The following UFSP2 variants were observed in gnomAD, a reference collection of about 807,000 sequenced individuals.
The protein encoded by UFSP2 is ufm1-specific protease 2.
A neutral mutation model predicts 60.2 loss-of-function variants in UFSP2; 43 were observed. The ratio of observed to expected loss-of-function variants is 0.71; its 90% confidence interval spans 0.56 to 0.92. The LOEUF is 0.92. Ranked by LOEUF, UFSP2 falls within the 40% of genes least tolerant of loss-of-function variation. The pLI, the probability that UFSP2 is intolerant of heterozygous loss-of-function variation, is 0.00. For missense variants in UFSP2, 520 were observed against 575.0 expected (o/e 0.90, Z 0.98); for synonymous variants, 183 against 195.1 (o/e 0.94, Z 0.52).
At chr4:185,404,813 T>C (rs2095518271) in intron 10 of UFSP2, among the ~76,000 whole-genome samples, 1 of 151,376 alleles carries the variant, frequency 6.6e-6, no homozygotes, top group Non-Finnish European at 1.5e-5. Flanking sequence ...CTCGAACTCT[T>C]GGCCTCAAGT....
intron 2 of UFSP2, among the ~76,000 whole-genome samples, chr4:185,421,951 A>C (rs1421503964): frequency 6.6e-6 from 1 of 152,220 alleles, no homozygotes; most frequent in African/African-American, 2.4e-5. Flanking sequence ...ATCAAATGAA[A>C]CAAATCTCAA....
At chr4:185,406,683 C>T (rs564858717) in intron 9 of UFSP2, among the ~76,000 whole-genome samples, 1 of 152,240 alleles carries the variant, frequency 6.6e-6, no homozygotes, top group African/African-American at 2.4e-5. Flanking sequence ...TCAAGCGATT[C>T]TCCTTCCTCA....
At chr4:185,404,192 A>C (rs1269727079) in intron 10 of UFSP2, among the ~76,000 whole-genome samples, 1 of 152,076 alleles carries the variant, frequency 6.6e-6, no homozygotes, top group Admixed American at 6.6e-5. Context: ...AAAGGGCCAT[A>C]AACTCCTCCC....
At chr4:185,408,875 A>T (rs2095524575) in intron 7 of UFSP2, among the ~76,000 whole-genome samples, 1 of 152,092 alleles carries the variant, frequency 6.6e-6, no homozygotes, top group South Asian at 2.1e-4. Flanking sequence ...CGGCCCACTC[A>T]TTCTCTCACT....
intron 7 of UFSP2, among the ~76,000 whole-genome samples, chr4:185,411,301 A>G (rs932070222): frequency 6.6e-6 from 1 of 152,184 alleles, no homozygotes; most frequent in East Asian, 1.9e-4. Flanking sequence ...TGCTACGCCA[A>G]AATTGTTTTA....
At chr4:185,413,929 G>A in intron 6 of UFSP2, 57 bp from the exon 7 acceptor site, 1 of 1,448,362 alleles carries the variant, frequency 6.9e-7, no homozygotes. Context: ...TAGATTCCTA[G>A]TCAATAAATA....
chr4:185,415,746 G>A lies in UFSP2; in HGVS notation c.455C>T (p.Ala152Val). The A allele has an allele frequency of 6.2e-7, 1 of 1,613,116 alleles. No homozygotes were observed. The highest frequency in any genetic ancestry group is 1.7e-4 in the Middle Eastern group (1 of 6,060). ...TTCTTCTGGAGCAACAGATATAACT[G>A]CATCGACAGGTAAAGTCATATTAAC... is the stretch of plus-strand genomic sequence containing the variant. ...HYVNMTLPVDAVISVAPEETW... is the reference protein window; with the variant it reads ...HYVNMTLPVDVVISVAPEETW... Residue 152 changes from alanine to valine, a missense_variant, in exon 5 of 12, where the codon GCA becomes GTA. Physicochemically the swap from Ala to Val is moderately conservative, Grantham distance 64. Transcript: ENST00000264689.
intron 1 of UFSP2, among the ~76,000 whole-genome samples, chr4:185,424,576 T>G (rs2095555614): frequency 6.6e-6 from 1 of 152,240 alleles, no homozygotes; most frequent in Admixed American, 6.5e-5. Flanking sequence ...TTTAGCTTCA[T>G]GTTGTCCATT....
At chr4:185,408,151 A>AT (rs921252622) in intron 8 of UFSP2, 91 bp from the exon 9 acceptor site, 543 of 1,528,004 alleles carry the variant, frequency 3.6e-4, no homozygotes, top group South Asian at 4.0e-4. Context: ...CAGTACAAGA[A>AT]TTTTTTTTTC....
intron 9 of UFSP2, 21 bp downstream of exon 9, chr4:185,407,915 A>G (rs576822061): frequency 2.5e-6 from 4 of 1,600,872 alleles, no homozygotes; most frequent in African/African-American, 1.3e-5. Context: ...TGATTTATCT[A>G]ATTTCTTAAA....
Position 185,408,451 on chromosome 4 carries a change from A to ACTT in UFSP2, c.832-17_832-16insAAG. The ACTT allele has an allele frequency of 6.2e-7, 1 of 1,608,226 alleles. No individual in the cohort carries two copies. Among genetic ancestry groups the ACTT allele is most frequent in the South Asian group, 1.1e-5 (1 of 90,630 alleles). ...CCACATAAATCTATATACAGAGAAG[A>ACTT]AACACAGTAAAATATTAACTTAGGA... is the stretch of plus-strand genomic sequence containing the variant. On this transcript the variant is annotated splice_polypyrimidine_tract_variant and intron_variant, in intron 7 of 11. Coordinates refer to ENST00000264689, the MANE Select transcript of UFSP2 (RefSeq NM_018359.5).
intron 7 of UFSP2, among the ~76,000 whole-genome samples, chr4:185,410,273 A>G (rs1486855042): frequency 6.6e-6 from 1 of 152,244 alleles, no homozygotes; most frequent in Non-Finnish European, 1.5e-5. Flanking sequence ...TTAGAAGTGA[A>G]CAAAACTAAA....
chr4:185,422,216 T>C (rs774787188), intron 2 of UFSP2, among the ~76,000 whole-genome samples: 5 of 152,236 alleles, frequency 3.3e-5, no homozygotes, highest in Non-Finnish European at 4.4e-5. Flanking sequence ...TCATTGTGGA[T>C]ATTTACATTT....
chr4:185,406,034 A>T lies in UFSP2; in HGVS notation c.1122-178T>A. On this transcript the variant is annotated intron_variant, in intron 9 of 11. Transcript: ENST00000264689. ...CAATTAAACTGTGCAATTTAAAGCAACATAAACTCAAAATACTTAAGGCCA... is the reference window on the plus strand; with the variant it reads ...CAATTAAACTGTGCAATTTAAAGCATCATAAACTCAAAATACTTAAGGCCA... 5 of 1,363,914 alleles carry T rather than the reference A, an allele frequency of 3.7e-6. No individual in the cohort carries two copies. In the South Asian group the frequency reaches 5.1e-5, roughly 14 times the overall value. 84.5% of individuals were successfully genotyped at this position (1,363,914 alleles called of 1,614,324 possible).
intron 11 of UFSP2, 78 bp downstream of exon 11, chr4:185,403,416 C>T (rs1218110734): frequency 6.4e-7 from 1 of 1,553,280 alleles, no homozygotes; most frequent in African/African-American, 1.4e-5. Flanking sequence ...TATTGTCTTT[C>T]TGTTACCAGC....
chr4:185,422,925 C>A (rs185267105), intron 1 of UFSP2, among the ~76,000 whole-genome samples: 58 of 152,268 alleles, frequency 3.8e-4, no homozygotes, highest in African/African-American at 1.3e-3. Flanking sequence ...GTGGCACAAT[C>A]TCAGCTCACT....
intron 11 of UFSP2, 149 bp downstream of exon 11, chr4:185,403,345 G>A: frequency 1.0e-6 from 1 of 974,498 alleles, no homozygotes; most frequent in East Asian, 2.7e-5. Context: ...TCCCTATACA[G>A]AGACGGCTAC....
chr4:185,410,146 C>G (rs1199059986), intron 7 of UFSP2, among the ~76,000 whole-genome samples: 1 of 149,338 alleles, frequency 6.7e-6, no homozygotes, highest in Non-Finnish European at 1.5e-5. Flanking sequence ...CCAGTTAAAA[C>G]AAGAAGAAAA....
intron 11 of UFSP2, chr4:185,402,247 G>A (rs893351925): frequency 1.1e-5 from 5 of 450,414 alleles, no homozygotes; most frequent in African/African-American, 1.0e-4. Context: ...ATACTGAATG[G>A]AATGAACACC....
Sources: gnomAD v4.1 joint callset for allele counts (sites outside exome capture counted in the v4.1 genomes callset) on GRCh38, gnomAD v4.1.1 for gene constraint, MANE v1.5 for transcripts, NCBI Gene and HGNC (gene_info 2026-07-23, HGNC 2026-07-21) for gene names.